Variants in ZHX2 observed in about 807,000 individuals in gnomAD.
ZHX2 encodes zinc fingers and homeoboxes protein 2.
A neutral mutation model predicts 21.9 loss-of-function variants in ZHX2; 6 were observed. The observed-to-expected ratio is 0.27, with a 90% CI of 0.15 to 0.54. ZHX2 has a LOEUF of 0.54. Among genes scored for constraint, ZHX2 ranks in the 20% least tolerant of loss-of-function variants. The pLI, the probability that ZHX2 is intolerant of heterozygous loss-of-function variation, is 0.95. For missense variants in ZHX2, 908 were observed against 1,090.7 expected (o/e 0.83, Z 2.36); for synonymous variants, 434 against 437.1 (o/e 0.99, Z 0.09).
intron 2 of ZHX2, among the ~76,000 whole-genome samples, chr8:122,868,735 C>T (rs1309648115): frequency 3.4e-5 from 5 of 148,954 alleles, no homozygotes; most frequent in East Asian, 3.9e-4. Context: ...CCAGACATGG[C>T]GGGGCTCACC....
In ZHX2 at chr8:122,974,057, C is replaced by A. The variant is rs1813801604; in HGVS notation, c.*820C>A. On this transcript the variant is annotated 3_prime_UTR_variant, in exon 4 of 4. Transcript: ENST00000314393. ...CCTTTCTAAATACCAGCAGAAGAGG[C>A]TCCCGCCTCTGTTAGCATGATCAGT... The A allele has an allele frequency of 6.6e-6, 1 of 152,646 alleles. No homozygotes were observed. 9.5% of individuals were successfully genotyped at this position (152,646 alleles called of 1,614,324 possible).
At chr8:122,866,725 G>A (rs1819307157) in intron 2 of ZHX2, among the ~76,000 whole-genome samples, 1 of 152,248 alleles carries the variant, frequency 6.6e-6, no homozygotes, top group African/African-American at 2.4e-5. Context: ...ATCCAGGAAA[G>A]AGTATGCTGC....
At chr8:122,900,487 C>T (rs908373410) in intron 2 of ZHX2, among the ~76,000 whole-genome samples, 4 of 152,210 alleles carry the variant, frequency 2.6e-5, no homozygotes, top group Non-Finnish European at 5.9e-5. Flanking sequence ...GGCCCCTCCT[C>T]CAACCCCAGG....
chr8:122,834,844 C>A (rs890382384), intron 1 of ZHX2, among the ~76,000 whole-genome samples: 1 of 152,142 alleles, frequency 6.6e-6, no homozygotes, highest in Non-Finnish European at 1.5e-5. Context: ...CATAGTTTAC[C>A]GCTTTATGGG....
intron 3 of ZHX2, among the ~76,000 whole-genome samples, chr8:122,960,274 C>T (rs969033887): frequency 1.3e-5 from 2 of 152,138 alleles, no homozygotes; most frequent in African/African-American, 4.8e-5. Context: ...CACAGTGGCT[C>T]ATACCTGTAA....
At chr8:122,814,606 G>A (rs1305448075) in intron 1 of ZHX2, among the ~76,000 whole-genome samples, 6 of 152,186 alleles carry the variant, frequency 3.9e-5, no homozygotes, top group Non-Finnish European at 8.8e-5. Flanking sequence ...GTACATTTGG[G>A]TGGAGAATGA....
intron 2 of ZHX2, among the ~76,000 whole-genome samples, chr8:122,873,300 T>C (rs1819488926): frequency 6.6e-6 from 1 of 152,222 alleles, no homozygotes; most frequent in Non-Finnish European, 1.5e-5. Flanking sequence ...GGCTAGGCAG[T>C]GGAATATTTC....
At chr8:122,877,642 G>T (rs1468624550) in intron 2 of ZHX2, among the ~76,000 whole-genome samples, 2 of 152,180 alleles carry the variant, frequency 1.3e-5, no homozygotes, top group Non-Finnish European at 1.5e-5. Context: ...GCACACAAAT[G>T]GTGGTACTCC....
intron 2 of ZHX2, among the ~76,000 whole-genome samples, chr8:122,950,365 T>C (rs531954828): frequency 2.6e-5 from 4 of 151,378 alleles, no homozygotes; most frequent in African/African-American, 9.7e-5. Context: ...TAAGTGGGAG[T>C]TGAACAATGA....
At chr8:122,833,688 G>C (rs1260303437) in intron 1 of ZHX2, among the ~76,000 whole-genome samples, 1 of 152,066 alleles carries the variant, frequency 6.6e-6, no homozygotes, top group African/African-American at 2.4e-5. Flanking sequence ...AGTTGGGCAT[G>C]AGGGCAGGAC....
At chr8:122,795,882 G>A (rs760879924) in intron 1 of ZHX2, among the ~76,000 whole-genome samples, 16 of 152,142 alleles carry the variant, frequency 1.1e-4, no homozygotes, top group Non-Finnish European at 1.5e-4. Context: ...TAAAGATTCT[G>A]TGTTAAGGCC....
At chr8:122,888,330 A>G (rs1278989973) in intron 2 of ZHX2, among the ~76,000 whole-genome samples, 1 of 151,996 alleles carries the variant, frequency 6.6e-6, no homozygotes, top group African/African-American at 2.4e-5. Flanking sequence ...TGATATTTCT[A>G]TATATGTATA....
intron 3 of ZHX2, among the ~76,000 whole-genome samples, chr8:122,964,338 G>C (rs987238569): frequency 3.9e-5 from 6 of 152,006 alleles, no homozygotes; most frequent in Non-Finnish European, 7.4e-5. Flanking sequence ...ATTTTGCTGA[G>C]GGTTTTAATC....
chr8:122,894,373 C>T (rs569015336), intron 2 of ZHX2, among the ~76,000 whole-genome samples: 6 of 152,344 alleles, frequency 3.9e-5, no homozygotes, highest in African/African-American at 1.4e-4. Flanking sequence ...GACATTTTCA[C>T]ATCCTTTATA....
intron 1 of ZHX2, among the ~76,000 whole-genome samples, chr8:122,846,317 G>T (rs751156471): frequency 3.9e-5 from 6 of 152,184 alleles, no homozygotes; most frequent in Non-Finnish European, 8.8e-5. Flanking sequence ...CCAAACATGC[G>T]TCCTTCTCTG....
intron 2 of ZHX2, among the ~76,000 whole-genome samples, chr8:122,941,366 A>C (rs1356879960): frequency 1.3e-5 from 2 of 152,260 alleles, no homozygotes; most frequent in African/African-American, 2.4e-5. Flanking sequence ...GCAACTAAGC[A>C]ATACAAAAGG....
intron 2 of ZHX2, among the ~76,000 whole-genome samples, chr8:122,889,641 G>A (rs1443058759): frequency 6.6e-6 from 1 of 152,154 alleles, no homozygotes; most frequent in East Asian, 1.9e-4. Context: ...TGAATAGTTT[G>A]CAAACATAGT....
At chr8:122,932,483 A>G (rs1821017765) in intron 2 of ZHX2, among the ~76,000 whole-genome samples, 2 of 152,282 alleles carry the variant, frequency 1.3e-5, no homozygotes, top group Admixed American at 6.5e-5. Flanking sequence ...CATCACACCA[A>G]TGTCTGCTTC....
chr8:122,822,636 A>G (rs566329623), intron 1 of ZHX2, among the ~76,000 whole-genome samples: 1 of 152,282 alleles, frequency 6.6e-6, no homozygotes, highest in South Asian at 2.1e-4. Flanking sequence ...TCCAGTGCTC[A>G]TCTCCCCACT....
Sources: allele counts gnomAD v4.1 joint callset (sites outside exome capture counted in the v4.1 genomes callset), GRCh38; gene constraint gnomAD v4.1.1; transcripts MANE v1.5; gene names NCBI Gene and HGNC (gene_info 2026-07-23, HGNC 2026-07-21).